ESR1: variants seen among roughly 807,000 people sequenced by gnomAD.
The protein encoded by ESR1 is estrogen receptor.
Under a neutral mutation model 52.7 loss-of-function variants are expected in ESR1, and 12 were observed. The observed-to-expected ratio is 0.23, with a 90% CI of 0.15 to 0.37. The LOEUF is 0.37. Ranked by LOEUF, ESR1 falls within the 10% of genes least tolerant of loss-of-function variation. ESR1 has a pLI of 1.00. For synonymous variants in ESR1, 305 were observed against 316.8 expected (o/e 0.96, Z 0.39); for missense variants, 584 against 779.7 (o/e 0.75, Z 2.99).
At chr6:151,720,577 C>T (rs1297007592) in intron 2 of ESR1, among the ~76,000 whole-genome samples, 1 of 152,092 alleles carries the variant, frequency 6.6e-6, no homozygotes, top group African/African-American at 2.4e-5. Context: ...TTAGAAAAAC[C>T]TTTATTAACT....
At chr6:151,713,088 G>A (rs1199609335) in intron 2 of ESR1, among the ~76,000 whole-genome samples, 1 of 152,032 alleles carries the variant, frequency 6.6e-6, no homozygotes, top group Non-Finnish European at 1.5e-5. Context: ...TTCATCTATT[G>A]AGATAATCAT....
At chr6:151,833,551 G>A (rs1216197866) in intron 1 of ESR1, among the ~76,000 whole-genome samples, 2 of 151,974 alleles carry the variant, frequency 1.3e-5, no homozygotes, top group Non-Finnish European at 2.9e-5. Flanking sequence ...GGGAGGATTG[G>A]CAGAGGACTC....
intron 6 of ESR1, among the ~76,000 whole-genome samples, chr6:152,085,444 A>C (rs2049627367): frequency 6.6e-6 from 1 of 152,224 alleles, no homozygotes; most frequent in African/African-American, 2.4e-5. Context: ...AATTTGGATA[A>C]GACACAGAGG....
intron 2 of ESR1, among the ~76,000 whole-genome samples, chr6:151,848,284 C>G (rs1332022891): frequency 3.4e-4 from 37 of 107,944 alleles, no homozygotes; most frequent in African/African-American, 1.3e-3. Flanking sequence ...ACAATGAGAT[C>G]ACTTGGACAC....
chr6:151,755,140 G>C (rs1784182604), intron 2 of ESR1, among the ~76,000 whole-genome samples: 1 of 150,132 alleles, frequency 6.7e-6, no homozygotes, highest in Admixed American at 6.7e-5. Flanking sequence ...AGCCTGAGAA[G>C]TTGATTCTGC....
intron 2 of ESR1, among the ~76,000 whole-genome samples, chr6:151,780,376 GA>G (rs199984940): frequency 2.0e-5 from 3 of 151,416 alleles, no homozygotes; most frequent in Admixed American, 6.6e-5. Flanking sequence ...AAAAGAAAAA[GA>G]AAAAAAACCC....
intron 6 of ESR1, among the ~76,000 whole-genome samples, chr6:152,092,288 G>C (rs2152491137): frequency 6.6e-6 from 1 of 152,270 alleles, no homozygotes; most frequent in African/African-American, 2.4e-5. Flanking sequence ...GTGCCCCAGG[G>C]TACCAAAAGC....
intron 5 of ESR1, among the ~76,000 whole-genome samples, chr6:152,034,670 T>A (rs185755363): frequency 3.9e-5 from 6 of 152,344 alleles, no homozygotes; most frequent in Admixed American, 3.9e-4. Context: ...GATTCTTCAG[T>A]CTTTTTAATT....
At chr6:151,794,208 C>G (rs1307325837) in intron 2 of ESR1, among the ~76,000 whole-genome samples, 1 of 152,142 alleles carries the variant, frequency 6.6e-6, no homozygotes, top group African/African-American at 2.4e-5. Flanking sequence ...AAGACCTTTT[C>G]TTTCCACTAA....
chr6:151,997,587 C>G (rs2041605949), intron 4 of ESR1, among the ~76,000 whole-genome samples: 1 of 152,034 alleles, frequency 6.6e-6, no homozygotes, highest in Non-Finnish European at 1.5e-5. Flanking sequence ...AAAATAAGCC[C>G]TAAGAAGCAA....
At chr6:151,799,725 A>G (rs1777046068), upstream of ESR1, among the ~76,000 whole-genome samples, 1 of 152,234 alleles carries the variant, frequency 6.6e-6, no homozygotes, top group African/African-American at 2.4e-5. Flanking sequence ...TTATAGGAGT[A>G]GCACTCAACA....
upstream of ESR1, among the ~76,000 whole-genome samples, chr6:151,802,267 AT>A (rs374869422): frequency 2.8e-4 from 43 of 152,326 alleles, no homozygotes; most frequent in African/African-American, 9.9e-4. Context: ...TTAAAGGGAA[AT>A]TCTTTGTTAT....
chr6:152,065,977 A>G (rs2047934586), intron 6 of ESR1, among the ~76,000 whole-genome samples: 1 of 152,270 alleles, frequency 6.6e-6, no homozygotes, highest in African/African-American at 2.4e-5. Flanking sequence ...AATTATGGCA[A>G]CATCTCTAAA....
At chr6:151,899,286 TG>T (rs1469092401) in intron 3 of ESR1, among the ~76,000 whole-genome samples, 12 of 122,408 alleles carry the variant, frequency 9.8e-5, no homozygotes, top group African/African-American at 2.0e-4. Flanking sequence ...ACGGGGCGGC[TG>T]GCCGGGCGGG....
At chr6:151,668,427 C>T (rs968838633) in intron 1 of ESR1, among the ~76,000 whole-genome samples, 5 of 151,980 alleles carry the variant, frequency 3.3e-5, no homozygotes, top group African/African-American at 7.2e-5. Flanking sequence ...TACAGGTGCC[C>T]GCCCGCCACC....
chr6:152,018,433 A>G (rs1403182574), intron 5 of ESR1, among the ~76,000 whole-genome samples: 2 of 152,134 alleles, frequency 1.3e-5, no homozygotes, highest in African/African-American at 2.4e-5. Flanking sequence ...GATAAAAAAA[A>G]AAAAAAAAGT....
At chr6:152,006,154 A>T (rs2042316079) in intron 4 of ESR1, among the ~76,000 whole-genome samples, 3 of 152,046 alleles carry the variant, frequency 2.0e-5, no homozygotes. Flanking sequence ...AAAACAAGTG[A>T]TTATTTATTC....
At chr6:151,777,674 A>G (rs1323689061) in intron 2 of ESR1, among the ~76,000 whole-genome samples, 5 of 152,146 alleles carry the variant, frequency 3.3e-5, no homozygotes, top group South Asian at 2.1e-4. Flanking sequence ...AAAATGTACA[A>G]TAGGGCTGGG....
chr6:152,112,048 T>A (rs532611383), intron 6 of ESR1, among the ~76,000 whole-genome samples: 1 of 152,334 alleles, frequency 6.6e-6, no homozygotes, highest in East Asian at 1.9e-4. Flanking sequence ...TAAGTGGGTT[T>A]GTCAAAAGAT....
Sources: allele counts gnomAD v4.1 joint callset (sites outside exome capture counted in the v4.1 genomes callset), GRCh38; gene constraint gnomAD v4.1.1; transcripts MANE v1.5; gene names NCBI Gene and HGNC (gene_info 2026-07-23, HGNC 2026-07-21).